Variants in GDI2 observed in about 807,000 individuals in gnomAD.
GDI2 encodes the protein rab GDP dissociation inhibitor beta.
A neutral mutation model predicts 54.2 loss-of-function variants in GDI2; 22 were observed. The observed-to-expected ratio is 0.41, with a 90% CI of 0.29 to 0.58. The LOEUF (loss-of-function observed/expected upper bound fraction) is 0.58. Ranked by LOEUF, GDI2 falls within the 20% of genes least tolerant of loss-of-function variation. GDI2 has a pLI of 0.35. For missense variants in GDI2, 422 were observed against 546.0 expected (o/e 0.77, Z 2.26); for synonymous variants, 177 against 182.1 (o/e 0.97, Z 0.23).
intron 1 of GDI2, among the ~76,000 whole-genome samples, chr10:5,809,915 C>T (rs904328787): frequency 1.3e-5 from 2 of 152,158 alleles, no homozygotes; most frequent in African/African-American, 4.8e-5. Flanking sequence ...GGATGCTTAA[C>T]GCTGGTTTAA....
At chr10:5,811,418 T>C (rs945100867) in intron 1 of GDI2, among the ~76,000 whole-genome samples, 5 of 152,196 alleles carry the variant, frequency 3.3e-5, no homozygotes, top group Non-Finnish European at 7.3e-5. Flanking sequence ...ACTTTCACCA[T>C]CTTTGATACA....
chr10:5,794,824 T>G lies in GDI2; in HGVS notation c.388+61A>C, dbSNP rs547868694. On this transcript the variant is annotated intron_variant, in intron 4 of 10. Transcript: ENST00000380191. ...GGTCCTCTCTAAGACTCTTTTCCAG[T>G]ATAAAATCTCATTATTCTGAGAAAA... is the stretch of plus-strand genomic sequence containing the variant. 1.0e-4 allele frequency: 115 copies of G among 1,128,464 alleles called. No homozygotes were observed. In the African/African-American group the frequency reaches 1.4e-3, roughly 14 times the overall value. The allele number at this position is 1,128,464 out of a possible 1,614,324, so 69.9% of individuals were successfully genotyped here. A position where few individuals can be genotyped will look rare whatever the true frequency, so the allele number is the denominator to read the frequency against.
At chr10:5,805,139 G>A (rs1221241122) in intron 1 of GDI2, among the ~76,000 whole-genome samples, 3 of 151,904 alleles carry the variant, frequency 2.0e-5, no homozygotes, top group Non-Finnish European at 4.4e-5. Flanking sequence ...GCTACTATCG[G>A]GAGCTTTTCA....
chr10:5,804,961 G>A (rs897226028), intron 1 of GDI2, among the ~76,000 whole-genome samples: 1 of 151,898 alleles, frequency 6.6e-6, no homozygotes, highest in Non-Finnish European at 1.5e-5. Flanking sequence ...GGCCTCCCAA[G>A]TAGCTGGGAC....
intron 3 of GDI2, 124 bp downstream of exon 3, chr10:5,796,638 AC>A (rs907500513): frequency 1.1e-5 from 7 of 613,970 alleles, no homozygotes; most frequent in Admixed American, 2.6e-5. Flanking sequence ...CATGTTACTC[AC>A]CATGCTGTTT....
chr10:5,773,196 GCTTAAT>G (rs1415336688), intron 7 of GDI2, among the ~76,000 whole-genome samples: 2 of 151,702 alleles, frequency 1.3e-5, no homozygotes, highest in African/African-American at 4.9e-5. Flanking sequence ...TTCCCACACA[GCTTAAT>G]GTTAAAAAGA....
chr10:5,785,032 T>A, intron 6 of GDI2, 110 bp downstream of exon 6: 1 of 630,578 alleles, frequency 1.6e-6, no homozygotes, highest in Non-Finnish European at 2.5e-6. Flanking sequence ...ATAAAAAGCA[T>A]CTTATTACTC....
In GDI2 at chr10:5,792,372, T is replaced by C. The variant is rs75805158; in HGVS notation, c.388+2513A>G. 7.1e-3 allele frequency among the ~76,000 whole-genome samples: 1,074 copies of C among 152,326 alleles called. 7 individuals are homozygous for C. The highest frequency in any genetic ancestry group is 0.011 in the Non-Finnish European group (733 of 68,028). ...ATACACATGAAGTACTTAATACATA[T>C]ATGCCTAGCATGTAAGTGCTCAAAA... is the stretch of plus-strand genomic sequence containing the variant. On this transcript the variant is annotated intron_variant, in intron 4 of 10. Coordinates refer to ENST00000380191, the MANE Select transcript of GDI2 (RefSeq NM_001494.4).
At chr10:5,807,546 A>G (rs979920262) in intron 1 of GDI2, among the ~76,000 whole-genome samples, 14 of 152,374 alleles carry the variant, frequency 9.2e-5, no homozygotes, top group African/African-American at 3.4e-4. Context: ...ACATATTCAC[A>G]TCCAAAATCA....
At chr10:5,777,875 G>C (rs1264677567) in intron 6 of GDI2, among the ~76,000 whole-genome samples, 1 of 152,116 alleles carries the variant, frequency 6.6e-6, no homozygotes, top group African/African-American at 2.4e-5. Context: ...GCAAAGACTT[G>C]GAACCAACCC....
intron 4 of GDI2, among the ~76,000 whole-genome samples, chr10:5,794,188 A>AAAAAAAAAATATATATAC (rs1448053813): frequency 2.5e-5 from 1 of 40,340 alleles, no homozygotes; most frequent in Non-Finnish European, 4.2e-5. Flanking sequence ...AAAAAAAAAA[A>AAAAAAAAAATATATATAC]ATATATATAT....
rs376740115 is a variant in GDI2 at position 5,813,237 on chromosome 10, T to C, written c.22A>G (p.Ile8Val). Reference protein sequence around the residue: MNEEYDVIVLGTGLTECI... With the variant: MNEEYDVVVLGTGLTECI... ...ACCGTCAGGCCGGTGCCCAGCACGA[T>C]CACGTCGTACTCCTCATTCATGGCG... Residue 8 changes from isoleucine to valine, a missense_variant, in exon 1 of 11, where the codon ATC becomes GTC. By Grantham distance (29) the Ile-to-Val change is conservative. Coordinates refer to ENST00000380191, the MANE Select transcript of GDI2 (RefSeq NM_001494.4). The C allele has an allele frequency of 3.2e-5, 51 of 1,595,740 alleles. No homozygotes were observed. In the African/African-American group the frequency reaches 5.2e-4, roughly 16 times the overall value.
At chr10:5,790,287 T>C (rs967453594) in intron 4 of GDI2, among the ~76,000 whole-genome samples, 7 of 152,174 alleles carry the variant, frequency 4.6e-5, no homozygotes, top group Non-Finnish European at 1.0e-4. Context: ...CTCTTCCTTA[T>C]CATCTTCTTA....
At chr10:5,803,813 A>G (rs760373865) in intron 1 of GDI2, among the ~76,000 whole-genome samples, 2 of 152,216 alleles carry the variant, frequency 1.3e-5, no homozygotes, top group Non-Finnish European at 2.9e-5. Context: ...AATCACTCAA[A>G]AAGGGTTTGA....
At position 5,813,145 on chromosome 10, in the gene GDI2, G is replaced by A. The variant is rs915079263; in HGVS notation, c.45+69C>T. On this transcript the variant is annotated intron_variant, in intron 1 of 10. Coordinates refer to ENST00000380191, the MANE Select transcript of GDI2 (RefSeq NM_001494.4). ...GACCCCCGAGGAGCTGCGACCCGCG[G>A]GCCGTGCAGGAGCCGGGGGTGCGCC... is the stretch of plus-strand genomic sequence containing the variant. The A allele has an allele frequency of 1.2e-5, 11 of 936,106 alleles. No individual in the cohort carries two copies. In the African/African-American group the frequency reaches 1.9e-4, roughly 16 times the overall value. The allele number at this position is 936,106 out of a possible 1,614,324, so 58.0% of individuals were successfully genotyped here. A position where few individuals can be genotyped will look rare whatever the true frequency, so the allele number is the denominator to read the frequency against.
At chr10:5,794,079 G>A (rs1422770721) in intron 4 of GDI2, among the ~76,000 whole-genome samples, 5 of 149,916 alleles carry the variant, frequency 3.3e-5, no homozygotes, top group Non-Finnish European at 7.4e-5. Flanking sequence ...CAGGAGAATC[G>A]CTTGAACCTG....
chr10:5,765,929 T>TA lies in GDI2; in HGVS notation c.*76dup. 7.6e-6 allele frequency: 8 copies of TA among 1,051,426 alleles called. No homozygotes were observed. The highest frequency in any genetic ancestry group is 7.3e-5 in the East Asian group (3 of 41,098). The allele number at this position is 1,051,426 out of a possible 1,614,324, so 65.1% of individuals were successfully genotyped here. On this transcript the variant is annotated 3_prime_UTR_variant, in exon 11 of 11. Coordinates refer to ENST00000380191, the MANE Select transcript of GDI2 (RefSeq NM_001494.4). ...CCATTTTCATTACAAAAGCAGGCCTTACAATATTGATTTCATTATATGCAT... is the reference window on the plus strand; with the variant it reads ...CCATTTTCATTACAAAAGCAGGCCTTAACAATATTGATTTCATTATATGCAT...
intron 6 of GDI2, 59 bp from the exon 7 acceptor site, chr10:5,774,000 C>T: frequency 1.4e-6 from 1 of 731,198 alleles, no homozygotes; most frequent in Non-Finnish European, 2.4e-6. Flanking sequence ...CCTAAAGTCC[C>T]CTTTCTTAGA....
intron 6 of GDI2, among the ~76,000 whole-genome samples, chr10:5,775,401 T>C (rs1840596412): frequency 6.6e-6 from 1 of 152,206 alleles, no homozygotes; most frequent in African/African-American, 2.4e-5. Context: ...GAGAGCTTTA[T>C]GTAGTTTATA....
Sources: allele counts gnomAD v4.1 joint callset (sites outside exome capture counted in the v4.1 genomes callset), GRCh38; gene constraint gnomAD v4.1.1; transcripts MANE v1.5; gene names NCBI Gene and HGNC (gene_info 2026-07-23, HGNC 2026-07-21).